DAB1: variants seen among roughly 807,000 people sequenced by gnomAD.
The protein encoded by DAB1 is disabled homolog 1.
A neutral mutation model predicts 64.6 loss-of-function variants in DAB1; 15 were observed. That is an observed-to-expected ratio of 0.23 (90% CI 0.16 to 0.36). The LOEUF (loss-of-function observed/expected upper bound fraction) is 0.36, where lower values mean the gene tolerates loss of function less well. DAB1 is among the 10% of genes least tolerant of loss of function. DAB1 has a pLI of 1.00. For missense variants in DAB1, 596 were observed against 706.7 expected (o/e 0.84, Z 1.78); for synonymous variants, 235 against 251.9 (o/e 0.93, Z 0.64).
intron 2 of DAB1, among the ~76,000 whole-genome samples, chr1:57,153,557 T>C (rs534594743): frequency 6.6e-6 from 1 of 152,302 alleles, no homozygotes; most frequent in African/African-American, 2.4e-5. Context: ...TTTGGGTTTC[T>C]AAGAATCATC....
chr1:57,257,465 T>A (rs1669851356), intron 2 of DAB1, among the ~76,000 whole-genome samples: 1 of 152,192 alleles, frequency 6.6e-6, no homozygotes. Flanking sequence ...CTCCCAATAA[T>A]CCATATAGAA....
chr1:58,072,355 T>C (rs770239075), intron 5 of DAB1, among the ~76,000 whole-genome samples: 4 of 152,236 alleles, frequency 2.6e-5, no homozygotes, highest in Non-Finnish European at 4.4e-5. Context: ...AGGTAGTTAC[T>C]GTCATTATCC....
At chr1:58,441,984 C>T (rs1277882109) in intron 3 of DAB1, among the ~76,000 whole-genome samples, 1 of 152,156 alleles carries the variant, frequency 6.6e-6, no homozygotes, top group Non-Finnish European at 1.5e-5. Flanking sequence ...GGCCTCTCTC[C>T]AGCACATCAC....
intron 7 of DAB1, among the ~76,000 whole-genome samples, chr1:57,463,916 A>G (rs1189969892): frequency 6.6e-6 from 1 of 152,140 alleles, no homozygotes; most frequent in Non-Finnish European, 1.5e-5. Flanking sequence ...TCAACAACAA[A>G]TATTTGCTAC....
intron 3 of DAB1, among the ~76,000 whole-genome samples, chr1:58,376,114 C>T (rs143728977): frequency 0.065 from 9,921 of 151,962 alleles, 432 homozygotes; most frequent in East Asian, 0.21. Context: ...TTTTGTTGAT[C>T]CTTTCAAAAA....
chr1:57,562,926 G>A (rs1198401413), intron 7 of DAB1, among the ~76,000 whole-genome samples: 1 of 152,190 alleles, frequency 6.6e-6, no homozygotes, highest in Non-Finnish European at 1.5e-5. Flanking sequence ...AAATCAGTCT[G>A]CTACTCTACA....
intron 4 of DAB1, among the ~76,000 whole-genome samples, chr1:58,339,104 T>C (rs780637813): frequency 6.6e-6 from 1 of 152,174 alleles, no homozygotes; most frequent in South Asian, 2.1e-4. Context: ...CTGCACATCA[T>C]TGTGAAAGTC....
chr1:57,258,317 A>C (rs1669920178), intron 2 of DAB1, among the ~76,000 whole-genome samples: 1 of 152,192 alleles, frequency 6.6e-6, no homozygotes, highest in African/African-American at 2.4e-5. Flanking sequence ...GGCAGCTGAG[A>C]TATGAACCCA....
intron 2 of DAB1, among the ~76,000 whole-genome samples, chr1:57,154,637 T>G (rs1018471030): frequency 9.2e-5 from 14 of 152,226 alleles, no homozygotes; most frequent in Non-Finnish European, 1.6e-4. Flanking sequence ...CCATAGTGGT[T>G]GTACTAATTT....
At chr1:57,398,298 C>T (rs994771652) in intron 1 of DAB1, among the ~76,000 whole-genome samples, 10 of 152,024 alleles carry the variant, frequency 6.6e-5, no homozygotes, top group African/African-American at 2.4e-4. Context: ...ATGTGAGTGC[C>T]CTCGAGCACA....
chr1:58,058,827 C>A (rs1415762316), intron 5 of DAB1, among the ~76,000 whole-genome samples: 4 of 152,330 alleles, frequency 2.6e-5, no homozygotes, highest in Middle Eastern at 3.4e-3. Flanking sequence ...TGAATCCTCA[C>A]ACATTCATTG....
At chr1:58,124,021 G>A (rs1652908242) in intron 5 of DAB1, among the ~76,000 whole-genome samples, 1 of 151,976 alleles carries the variant, frequency 6.6e-6, no homozygotes, top group Non-Finnish European at 1.5e-5. Context: ...AAACATCTAG[G>A]TTTTCATAGT....
At chr1:57,416,615 A>C (rs1376169722) in intron 1 of DAB1, among the ~76,000 whole-genome samples, 3 of 152,164 alleles carry the variant, frequency 2.0e-5, no homozygotes, top group South Asian at 2.1e-4. Flanking sequence ...TTCACTCCCA[A>C]ATCTAGATTA....
chr1:58,306,001 C>G lies in DAB1; in HGVS notation n.309+37351G>C, dbSNP rs1372319475. On this transcript the variant is annotated intron_variant and non_coding_transcript_variant, in intron 4 of 20. Coordinates refer to the DAB1 transcript ENST00000485760. ...GCACCCCCCCACCCCCCTCCACACA[C>G]ATTATAGTCCTCCTCCTATGAAGGG... 2.6e-5 allele frequency among the ~76,000 whole-genome samples: 4 copies of G among 151,372 alleles called. No individual in the cohort carries two copies. The East Asian group carries it at 7.8e-4, about 30-fold the overall frequency.
chr1:58,345,504 G>C (rs777186138), intron 3 of DAB1, among the ~76,000 whole-genome samples: 1 of 152,034 alleles, frequency 6.6e-6, no homozygotes, highest in African/African-American at 2.4e-5. Context: ...CCTGGTCTTC[G>C]GGCTTCCCTT....
In DAB1 at chr1:57,329,553, G is replaced by A. The variant is rs148703797; in HGVS notation, c.-136-38387C>T. ...TGTGTCTTTGAAACCTTTCTTCAGT[G>A]TCATCAGCAGCTCAATTCTTTGTTA... On this transcript the variant is annotated intron_variant, in intron 1 of 14. Coordinates refer to ENST00000371236, the MANE Select transcript of DAB1 (RefSeq NM_001365792.1). Among the ~76,000 whole-genome samples the A allele has an allele frequency of 1.2e-3, 185 of 149,838 alleles. 1 individual carries two copies. Among genetic ancestry groups the A allele is most frequent in the Non-Finnish European group, 2.1e-3 (144 of 67,818 alleles).
intron 5 of DAB1, among the ~76,000 whole-genome samples, chr1:57,938,033 C>T (rs957030214): frequency 1.3e-5 from 2 of 152,224 alleles, no homozygotes; most frequent in African/African-American, 2.4e-5. Flanking sequence ...GTTCAGAGAA[C>T]ATTCTGGGCC....
chr1:57,326,845 C>G (rs2100782663), intron 1 of DAB1, among the ~76,000 whole-genome samples: 1 of 152,320 alleles, frequency 6.6e-6, no homozygotes. Flanking sequence ...CAAATACCAT[C>G]ACACTGGGGG....
rs757431318 is a variant in DAB1 at position 57,852,905 on chromosome 1, G to C, written n.88-26450C>G. ...AGCAGTATCCTCAGGGACCTAGAAA[G>C]GTGATTGACACATAATTTGTGCTCA... On this transcript the variant is annotated intron_variant and non_coding_transcript_variant, in intron 1 of 1. Transcript: ENST00000477280. 4.7e-4 allele frequency among the ~76,000 whole-genome samples: 72 copies of C among 152,114 alleles called. 1 individual carries two copies. Among genetic ancestry groups the C allele is most frequent in the Non-Finnish European group, 9.3e-4 (63 of 68,040 alleles).
Sources: gnomAD v4.1 joint callset for allele counts (sites outside exome capture counted in the v4.1 genomes callset) on GRCh38, gnomAD v4.1.1 for gene constraint, MANE v1.5 for transcripts, NCBI Gene and HGNC (gene_info 2026-07-23, HGNC 2026-07-21) for gene names.